Variants in MORC1 observed in about 807,000 individuals in gnomAD.
MORC1 encodes the protein MORC family CW-type zinc finger protein 1.
A neutral mutation model predicts 134.9 loss-of-function variants in MORC1; 59 were observed. That is an observed-to-expected ratio of 0.44 (90% CI 0.35 to 0.54). MORC1 has a LOEUF of 0.54. Among genes scored for constraint, MORC1 ranks in the 20% least tolerant of loss-of-function variants. MORC1 has a pLI of 0.00. For synonymous variants in MORC1, 395 were observed against 391.7 expected, an observed-to-expected ratio of 1.01 and a Z score of -0.10; for missense variants, 947 against 1,134.5, an observed-to-expected ratio of 0.83 and a Z score of 2.37.
At chr3:109,115,826 A>T (rs893044818) in intron 1 of MORC1, among the ~76,000 whole-genome samples, 2 of 152,224 alleles carry the variant, frequency 1.3e-5, no homozygotes, top group African/African-American at 2.4e-5. Flanking sequence ...CAAACTTATG[A>T]GGATGATATT....
intron 8 of MORC1, among the ~76,000 whole-genome samples, chr3:109,083,676 C>T (rs1471386723): frequency 1.3e-5 from 2 of 152,116 alleles, no homozygotes; most frequent in Non-Finnish European, 2.9e-5. Flanking sequence ...GCCAGCATTG[C>T]CCTGATACCA....
chr3:109,061,404 T>G (rs1289685634), intron 11 of MORC1, among the ~76,000 whole-genome samples: 2 of 152,224 alleles, frequency 1.3e-5, no homozygotes, highest in African/African-American at 2.4e-5. Context: ...CTTTTTAACT[T>G]ATCTTACTCA....
At position 109,099,448 on chromosome 3, in the gene MORC1, T is replaced by C; in HGVS notation, c.333A>G (p.Gly111=). 1 of 1,611,928 alleles carries C rather than the reference T, an allele frequency of 6.2e-7. No individual in the cohort carries two copies. Among genetic ancestry groups the C allele is most frequent in the Non-Finnish European group, 8.5e-7 (1 of 1,179,322 alleles). ...TCTTCGTAAAAAGAATAAAGTCTTT[T>C]CCAATTCTCATGGACCCACTATATT... ...NGLKSGSMRI[G]KDFILFTKKE... Residue 111 remains glycine (G), a synonymous_variant, in exon 6 of 28, where the codon GGA becomes GGG. Coordinates refer to ENST00000232603, the MANE Select transcript of MORC1 (RefSeq NM_014429.4).
chr3:109,037,536 C>A (rs1375768679), intron 14 of MORC1, among the ~76,000 whole-genome samples: 1 of 152,204 alleles, frequency 6.6e-6, no homozygotes, highest in Non-Finnish European at 1.5e-5. Flanking sequence ...TGGTTTGCTG[C>A]ACCCATCAAC....
At chr3:109,093,253 C>T (rs62274699) in intron 8 of MORC1, among the ~76,000 whole-genome samples, 183 bp downstream of exon 8, 72,194 of 151,910 alleles carry the variant, frequency 0.48, 20,302 homozygotes, top group East Asian at 0.9. Flanking sequence ...AGAAACATCC[C>T]AGGGCACTCT....
chr3:109,042,270 T>TA (rs1949571469), intron 14 of MORC1, among the ~76,000 whole-genome samples: 1 of 152,146 alleles, frequency 6.6e-6, no homozygotes, highest in Admixed American at 6.5e-5. Context: ...CAAAAGAACT[T>TA]AAAGCAGGGT....
chr3:109,028,758 G>A (rs1044279388), intron 16 of MORC1, among the ~76,000 whole-genome samples: 13 of 151,944 alleles, frequency 8.6e-5, no homozygotes, highest in African/African-American at 3.1e-4. Flanking sequence ...TGTTCACTTC[G>A]GTATCAAGGC....
chr3:109,051,053 A>G (rs141247643), intron 14 of MORC1, among the ~76,000 whole-genome samples: 2 of 152,322 alleles, frequency 1.3e-5, no homozygotes, highest in East Asian at 3.9e-4. Flanking sequence ...CCCAAAGCTG[A>G]TGATTAATAT....
chr3:109,016,596 C>T (rs1383981421), intron 17 of MORC1, among the ~76,000 whole-genome samples: 1 of 152,220 alleles, frequency 6.6e-6, no homozygotes, highest in Admixed American at 6.5e-5. Context: ...GGCGCAGTGG[C>T]TCATGCCTGT....
intron 17 of MORC1, among the ~76,000 whole-genome samples, chr3:109,013,347 T>A (rs989179055): frequency 2.0e-5 from 3 of 152,192 alleles, no homozygotes; most frequent in Admixed American, 6.5e-5. Flanking sequence ...TAGAAAGCGT[T>A]AAGTGGAGGG....
chr3:109,071,343 G>GTA (rs1002585745), intron 8 of MORC1, among the ~76,000 whole-genome samples: 7 of 152,024 alleles, frequency 4.6e-5, no homozygotes, highest in African/African-American at 9.7e-5. Context: ...ATATATGTGT[G>GTA]TATATATATA....
At chr3:109,079,011 C>G (rs1340759441) in intron 8 of MORC1, among the ~76,000 whole-genome samples, 1 of 151,914 alleles carries the variant, frequency 6.6e-6, no homozygotes, top group African/African-American at 2.4e-5. Context: ...AATAAGGCAA[C>G]CAGATTTTCA....
chr3:109,100,859 T>C (rs1174672243), intron 4 of MORC1, among the ~76,000 whole-genome samples: 2 of 152,176 alleles, frequency 1.3e-5, no homozygotes, highest in Admixed American at 6.5e-5. Flanking sequence ...TTACACTGCA[T>C]TGGGTATTAT....
intron 21 of MORC1, among the ~76,000 whole-genome samples, chr3:108,992,097 G>A (rs559613363): frequency 6.6e-6 from 1 of 152,178 alleles, no homozygotes; most frequent in Non-Finnish European, 1.5e-5. Context: ...GGCCCTGCAT[G>A]CTACTATCTC....
chr3:109,037,597 C>T (rs1209297404), intron 14 of MORC1, among the ~76,000 whole-genome samples: 1 of 152,194 alleles, frequency 6.6e-6, no homozygotes, highest in Non-Finnish European at 1.5e-5. Flanking sequence ...TCCCAGCTCC[C>T]CCACCCCCTG....
chr3:109,116,391 T>C (rs944844951), intron 1 of MORC1, among the ~76,000 whole-genome samples: 4 of 152,090 alleles, frequency 2.6e-5, no homozygotes, highest in Non-Finnish European at 5.9e-5. Context: ...GAAACATATT[T>C]AGAGAAAGCA....
chr3:109,050,650 T>C (rs999886962), intron 14 of MORC1, among the ~76,000 whole-genome samples: 1 of 152,174 alleles, frequency 6.6e-6, no homozygotes, highest in Non-Finnish European at 1.5e-5. Flanking sequence ...CCATGTCTGA[T>C]TTGTTGGTCC....
intron 21 of MORC1, among the ~76,000 whole-genome samples, chr3:108,997,483 G>T (rs765262366): frequency 1.3e-5 from 2 of 152,094 alleles, no homozygotes; most frequent in Non-Finnish European, 2.9e-5. Context: ...ACTCCAGCCT[G>T]GGTGACACAG....
At chr3:108,997,222 G>T (rs935316415) in intron 21 of MORC1, among the ~76,000 whole-genome samples, 4 of 151,936 alleles carry the variant, frequency 2.6e-5, no homozygotes, top group African/African-American at 9.7e-5. Context: ...GAAACAAGAA[G>T]AATGTGGTTT....
Sources: allele counts gnomAD v4.1 joint callset (sites outside exome capture counted in the v4.1 genomes callset), GRCh38; gene constraint gnomAD v4.1.1; transcripts MANE v1.5; gene names NCBI Gene and HGNC (gene_info 2026-07-23, HGNC 2026-07-21).